NEGR1: variants seen among roughly 807,000 people sequenced by gnomAD.
The protein encoded by NEGR1 is IgLON family member 4.
Under a neutral mutation model 40.9 loss-of-function variants are expected in NEGR1, and 10 were observed. The ratio of observed to expected loss-of-function variants is 0.24; its 90% CI spans 0.15 to 0.42. The LOEUF (loss-of-function observed/expected upper bound fraction) is 0.42. Ranked by LOEUF, NEGR1 falls within the 10% of genes least tolerant of loss-of-function variation. The pLI is 1.00. For synonymous variants in NEGR1, 185 were observed against 166.8 expected, an observed-to-expected ratio of 1.11 and a Z score of -0.84; for missense variants, 352 against 438.9, an observed-to-expected ratio of 0.80 and a Z score of 1.77.
intron 1 of NEGR1, among the ~76,000 whole-genome samples, chr1:72,281,155 T>A (rs1656228462): frequency 6.6e-6 from 1 of 150,880 alleles, no homozygotes; most frequent in East Asian, 2.0e-4. Flanking sequence ...GAAGGGAAAA[T>A]GAGAAAAATA....
chr1:71,769,867 G>A (rs1656254979), intron 3 of NEGR1, among the ~76,000 whole-genome samples: 1 of 152,184 alleles, frequency 6.6e-6, no homozygotes, highest in South Asian at 2.1e-4. Flanking sequence ...TCTGTCCAAT[G>A]TTGCATACTA....
rs115641254 is a variant in NEGR1 at position 71,396,143 on chromosome 1, C to A, written c.*11303G>T. 1 of 152,126 alleles carries A rather than the reference C, an allele frequency of 6.6e-6. No individual in the cohort carries two copies. Among genetic ancestry groups the A allele is most frequent in the Non-Finnish European group, 1.5e-5 (1 of 68,036 alleles). The allele number at this position is 152,126 out of a possible 1,614,324, so 9.4% of individuals were successfully genotyped here. On this transcript the variant is annotated 3_prime_UTR_variant, in exon 7 of 7. Coordinates refer to ENST00000357731, the MANE Select transcript of NEGR1 (RefSeq NM_173808.3). ...ATACATTAATCTCTTTCTTTCCCTT[C>A]CTCTTTCTCTTCTTTTACCCTCTGT... is the stretch of plus-strand genomic sequence containing the variant.
chr1:71,673,223 A>G (rs1411801037), intron 4 of NEGR1, among the ~76,000 whole-genome samples: 1 of 152,154 alleles, frequency 6.6e-6, no homozygotes, highest in Non-Finnish European at 1.5e-5. Context: ...CATCTCCAAA[A>G]AAAAACAACC....
chr1:72,156,059 T>C (rs955819024), intron 1 of NEGR1, among the ~76,000 whole-genome samples: 1 of 152,106 alleles, frequency 6.6e-6, no homozygotes, highest in Non-Finnish European at 1.5e-5. Flanking sequence ...GCCATAACAT[T>C]TGAAAAAGGC....
At chr1:71,564,140 G>A (rs6664443) in intron 6 of NEGR1, among the ~76,000 whole-genome samples, 50,023 of 151,794 alleles carry the variant, frequency 0.33, 8,395 homozygotes, top group East Asian at 0.58. Context: ...AGGCCCCAGC[G>A]CAGATGTAGT....
Position 71,640,056 on chromosome 1 carries a change from C to A in NEGR1, c.668-28910G>T, listed in dbSNP as rs140234508. On this transcript the variant is annotated intron_variant, in intron 4 of 6. Coordinates refer to ENST00000357731, the MANE Select transcript of NEGR1 (RefSeq NM_173808.3). ...CTTACAAGTCATATTTTCCTTGCCA[C>A]AATTATGAGCCTACTAAATGTTCTC... Among the ~76,000 whole-genome samples, 1,149 of 152,120 alleles carry A rather than the reference C, an allele frequency of 7.6e-3. 46 individuals are homozygous for A. The highest frequency in any genetic ancestry group is 0.062 in the Admixed American group (942 of 15,262).
chr1:71,791,589 A>C (rs1284585851), intron 2 of NEGR1, among the ~76,000 whole-genome samples: 1 of 152,146 alleles, frequency 6.6e-6, no homozygotes, highest in Non-Finnish European at 1.5e-5. Context: ...AATATTTCAT[A>C]ATAATAGAAT....
intron 2 of NEGR1, among the ~76,000 whole-genome samples, chr1:71,831,300 G>T (rs766348870): frequency 2.0e-5 from 3 of 151,840 alleles, no homozygotes; most frequent in African/African-American, 7.2e-5. Context: ...TGTGGTTTCT[G>T]CCCCTAGGGA....
intron 2 of NEGR1, among the ~76,000 whole-genome samples, chr1:71,788,227 C>G (rs1482741217): frequency 6.6e-6 from 1 of 151,906 alleles, no homozygotes; most frequent in Non-Finnish European, 1.5e-5. Context: ...TAGCAGAGTC[C>G]TATGGTTACA....
Position 71,401,199 on chromosome 1 carries a change from C to T in NEGR1, c.*6247G>A, listed in dbSNP as rs1164932668. On this transcript the variant is annotated 3_prime_UTR_variant, in exon 7 of 7. Transcript: ENST00000357731. ...TTTTTCAAGTTGTAAATAAATAATACTAAGGCAAAATATTTCTCGTCTACA... is the reference window on the plus strand; with the variant it reads ...TTTTTCAAGTTGTAAATAAATAATATTAAGGCAAAATATTTCTCGTCTACA... 1 of 152,030 alleles carries T rather than the reference C, an allele frequency of 6.6e-6. No individual in the cohort carries two copies. The highest frequency in any genetic ancestry group is 1.5e-5 in the Non-Finnish European group (1 of 68,022). The allele number at this position is 152,030 out of a possible 1,614,324, so 9.4% of individuals were successfully genotyped here.
intron 1 of NEGR1, among the ~76,000 whole-genome samples, chr1:72,159,401 G>A (rs560841000): frequency 6.6e-6 from 1 of 152,018 alleles, no homozygotes; most frequent in Non-Finnish European, 1.5e-5. Flanking sequence ...CAGAACATAG[G>A]TACAACATTG....
intron 1 of NEGR1, among the ~76,000 whole-genome samples, chr1:71,942,457 A>ATC (rs1553123460): frequency 3.1e-3 from 17 of 5,542 alleles, no homozygotes; most frequent in Non-Finnish European, 6.0e-3. Flanking sequence ...CTTTAAATCT[A>ATC]TATATATATA....
chr1:71,528,538 C>T (rs181285338), intron 6 of NEGR1, among the ~76,000 whole-genome samples: 2 of 151,078 alleles, frequency 1.3e-5, no homozygotes, highest in African/African-American at 2.4e-5. Flanking sequence ...TCCTTTTTAA[C>T]AAAATACAGT....
At chr1:71,830,755 T>C (rs577353636) in intron 2 of NEGR1, among the ~76,000 whole-genome samples, 1 of 152,132 alleles carries the variant, frequency 6.6e-6, no homozygotes, top group East Asian at 1.9e-4. Context: ...AGCCACTTTG[T>C]AAACTTTGTA....
intron 6 of NEGR1, among the ~76,000 whole-genome samples, chr1:71,437,804 A>G (rs1646519417): frequency 6.6e-6 from 1 of 152,330 alleles, no homozygotes; most frequent in South Asian, 2.1e-4. Context: ...TTGAAGTGTC[A>G]GCAGTGCTCA....
chr1:71,822,416 T>C (rs1423779906), intron 2 of NEGR1, among the ~76,000 whole-genome samples: 1 of 152,024 alleles, frequency 6.6e-6, no homozygotes, highest in African/African-American at 2.4e-5. Flanking sequence ...CCGCTATCAT[T>C]GATTTCATGA....
chr1:71,551,549 A>C (rs186280362), intron 6 of NEGR1, among the ~76,000 whole-genome samples: 1 of 151,720 alleles, frequency 6.6e-6, no homozygotes, highest in African/African-American at 2.4e-5. Flanking sequence ...ATCTTAGGTA[A>C]ATTATTTAAC....
chr1:71,910,817 C>A (rs1661404192), intron 2 of NEGR1, among the ~76,000 whole-genome samples: 2 of 152,116 alleles, frequency 1.3e-5, no homozygotes, highest in South Asian at 4.1e-4. Flanking sequence ...CCCACCTCAG[C>A]CTCCCAAGTA....
chr1:71,460,282 ACTG>A (rs1334489776), intron 6 of NEGR1, among the ~76,000 whole-genome samples: 1 of 152,156 alleles, frequency 6.6e-6, no homozygotes, highest in Non-Finnish European at 1.5e-5. Flanking sequence ...GTCAGACTAG[ACTG>A]CTTCAGTTGT....
Sources: gnomAD v4.1 joint callset for allele counts (sites outside exome capture counted in the v4.1 genomes callset) on GRCh38, gnomAD v4.1.1 for gene constraint, MANE v1.5 for transcripts, NCBI Gene and HGNC (gene_info 2026-07-23, HGNC 2026-07-21) for gene names.